The following UVRAG variants were observed in gnomAD, a reference collection of about 807,000 sequenced individuals.
UVRAG encodes the protein UV radiation resistance-associated gene protein.
A neutral mutation model predicts 78.0 loss-of-function variants in UVRAG; 19 were observed. The observed-to-expected ratio is 0.24, with a 90% confidence interval of 0.17 to 0.36. The LOEUF is 0.36. UVRAG is among the 10% of genes least tolerant of loss of function. UVRAG has a pLI of 1.00. For synonymous variants in UVRAG, 323 were observed against 324.6 expected (o/e 1.00, Z 0.05); for missense variants, 740 against 853.8 (o/e 0.87, Z 1.66).
Position 75,837,152 on chromosome 11 carries a change from A to G in UVRAG, c.118-14731A>G, listed in dbSNP as rs948508678. On this transcript the variant is annotated intron_variant, in intron 1 of 14. Coordinates refer to ENST00000356136, the MANE Select transcript of UVRAG (RefSeq NM_003369.4). ...AGACCATCCTGGCTAACAGGGTGAA[A>G]CCCCATCCACTAAAAATACAAAAAA... Among the ~76,000 whole-genome samples the G allele has an allele frequency of 1.5e-4, 23 of 152,092 alleles. No individual in the cohort carries two copies. In the South Asian group the frequency reaches 2.3e-3, roughly 15 times the overall value.
At chr11:75,975,498 G>A (rs1392438020) in intron 7 of UVRAG, among the ~76,000 whole-genome samples, 1 of 152,196 alleles carries the variant, frequency 6.6e-6, no homozygotes, top group Non-Finnish European at 1.5e-5. Flanking sequence ...CTATCCATGA[G>A]CATGGAATGT....
At chr11:76,076,723 T>G (rs1400634484) in intron 13 of UVRAG, among the ~76,000 whole-genome samples, 1 of 152,196 alleles carries the variant, frequency 6.6e-6, no homozygotes, top group Non-Finnish European at 1.5e-5. Context: ...CATTACTCTT[T>G]TATGTACTTA....
intron 12 of UVRAG, among the ~76,000 whole-genome samples, chr11:76,035,902 G>C (rs1950524227): frequency 6.6e-6 from 1 of 152,040 alleles, no homozygotes; most frequent in South Asian, 2.1e-4. Flanking sequence ...TCTTTACCTG[G>C]CATGCCCTTG....
At position 76,143,249 on chromosome 11, in the gene UVRAG, T is replaced by TA. The variant is rs778567033; in HGVS notation, c.*1837dup. Reference sequence around the variant, plus strand: ...AATGGAAGGTCAACCCCGTGGGACTTACGATTGCCCCAGGTGCGGGATGGA... The same window carrying TA: ...AATGGAAGGTCAACCCCGTGGGACTTAACGATTGCCCCAGGTGCGGGATGGA... On this transcript the variant is annotated 3_prime_UTR_variant, in exon 15 of 15. Transcript: ENST00000356136. The TA allele has an allele frequency of 5.9e-5, 9 of 152,254 alleles. No homozygotes were observed. The highest frequency in any genetic ancestry group is 5.8e-4 in the East Asian group (3 of 5,182). The allele number at this position is 152,254 out of a possible 1,614,324, so 9.4% of individuals were successfully genotyped here.
intron 6 of UVRAG, among the ~76,000 whole-genome samples, chr11:75,944,648 C>A (rs1948555324): frequency 6.6e-6 from 1 of 152,004 alleles, no homozygotes; most frequent in Non-Finnish European, 1.5e-5. Context: ...ACAATCTAAG[C>A]CTTTGAACAA....
intron 13 of UVRAG, among the ~76,000 whole-genome samples, chr11:76,071,519 G>A (rs887599164): frequency 6.6e-6 from 1 of 152,148 alleles, no homozygotes; most frequent in African/African-American, 2.4e-5. Flanking sequence ...GAAGATTTAA[G>A]CAGGAAAGTG....
rs571658082 is a variant in UVRAG at position 75,983,731 on chromosome 11, C to G, written c.826+218C>G. ...GCTCAGATGGTATAAACTACTACTA[C>G]ACACCTAGGCTATATGGCTGTAAAC... is the stretch of plus-strand genomic sequence containing the variant. On this transcript the variant is annotated intron_variant, in intron 8 of 14. Coordinates refer to ENST00000356136, the MANE Select transcript of UVRAG (RefSeq NM_003369.4). The G allele has an allele frequency of 5.7e-4, 279 of 489,844 alleles. 1 individual carries two copies. Among genetic ancestry groups the G allele is most frequent in the Non-Finnish European group, 4.0e-4 (120 of 298,530 alleles). The allele number at this position is 489,844 out of a possible 1,614,324, so 30.3% of individuals were successfully genotyped here. A position where few individuals can be genotyped will look rare whatever the true frequency, so the allele number is the denominator to read the frequency against.
intron 1 of UVRAG, among the ~76,000 whole-genome samples, chr11:75,844,727 C>T (rs956995419): frequency 2.7e-5 from 4 of 150,242 alleles, no homozygotes; most frequent in Non-Finnish European, 5.9e-5. Context: ...GTCTGGAGTA[C>T]AGTGGTGCCA....
rs1422182629 is a variant in UVRAG, at chr11:75,877,905, C to CG, written c.271-1968dup. Among the ~76,000 whole-genome samples the CG allele has an allele frequency of 2.6e-3, 372 of 143,242 alleles. 5 individuals carry two copies. The highest frequency in any genetic ancestry group is 9.3e-3 in the African/African-American group (353 of 38,152). 94.0% of individuals were successfully genotyped at this position (143,242 alleles called of 152,430 possible). A position where few individuals can be genotyped will look rare whatever the true frequency, so the allele number is the denominator to read the frequency against. ...CTCCCGGACGGGGCGGCTGGCCTGG[C>CG]GGGGGGCTGACCCCCCCACCTCCCT... is the stretch of plus-strand genomic sequence containing the variant. On this transcript the variant is annotated intron_variant, in intron 3 of 14. Transcript: ENST00000356136.
intron 8 of UVRAG, among the ~76,000 whole-genome samples, chr11:75,999,855 G>A (rs767092096): frequency 3.3e-5 from 5 of 152,050 alleles, no homozygotes; most frequent in Non-Finnish European, 7.4e-5. Context: ...TAGGGTTTAG[G>A]TTGTTGAACC....
At chr11:75,845,684 G>A (rs1946016695) in intron 1 of UVRAG, among the ~76,000 whole-genome samples, 1 of 152,142 alleles carries the variant, frequency 6.6e-6, no homozygotes, top group African/African-American at 2.4e-5. Flanking sequence ...GGGAACAGTA[G>A]ATACTGGGGC....
At chr11:75,877,915 A>C (rs1273938433) in intron 3 of UVRAG, among the ~76,000 whole-genome samples, 14 of 95,422 alleles carry the variant, frequency 1.5e-4, no homozygotes, top group South Asian at 7.8e-4. Flanking sequence ...CGGGGGGCTG[A>C]CCCCCCCACC....
chr11:76,077,231 A>T (rs1218368683), intron 13 of UVRAG, among the ~76,000 whole-genome samples: 1 of 151,028 alleles, frequency 6.6e-6, no homozygotes, highest in Non-Finnish European at 1.5e-5. Context: ...TCAAAAAATT[A>T]TATTTATTTA....
chr11:76,114,366 C>G (rs1230346471), intron 13 of UVRAG, among the ~76,000 whole-genome samples: 1 of 152,124 alleles, frequency 6.6e-6, no homozygotes, highest in African/African-American at 2.4e-5. Context: ...CTTCTGCTTT[C>G]TCAAGTATTG....
At chr11:75,892,802 A>G (rs1947243581) in intron 5 of UVRAG, among the ~76,000 whole-genome samples, 1 of 152,214 alleles carries the variant, frequency 6.6e-6, no homozygotes. Flanking sequence ...GTTTCCAGTC[A>G]AGATGACATT....
intron 13 of UVRAG, among the ~76,000 whole-genome samples, chr11:76,079,713 AT>A (rs1420201730): frequency 6.6e-6 from 1 of 152,154 alleles, no homozygotes; most frequent in East Asian, 1.9e-4. Flanking sequence ...TACCCTCACA[AT>A]TTTTTCTCTG....
chr11:76,120,747 G>A (rs982315423), intron 14 of UVRAG, among the ~76,000 whole-genome samples: 9 of 152,204 alleles, frequency 5.9e-5, no homozygotes. Context: ...AAAGATCACG[G>A]CAGGAAGCCA....
chr11:75,990,295 T>C (rs1949579831), intron 8 of UVRAG, among the ~76,000 whole-genome samples: 3 of 152,220 alleles, frequency 2.0e-5, no homozygotes, highest in Admixed American at 2.0e-4. Context: ...AACTTAGTGT[T>C]ATCTCTACAA....
At chr11:76,105,322 T>G (rs1156475216) in intron 13 of UVRAG, among the ~76,000 whole-genome samples, 1 of 152,064 alleles carries the variant, frequency 6.6e-6, no homozygotes, top group Non-Finnish European at 1.5e-5. Flanking sequence ...GGAGGATAAC[T>G]TGAGCCCAGG....
Sources: allele counts gnomAD v4.1 joint callset (sites outside exome capture counted in the v4.1 genomes callset), GRCh38; gene constraint gnomAD v4.1.1; transcripts MANE v1.5; gene names NCBI Gene and HGNC (gene_info 2026-07-23, HGNC 2026-07-21).